LGSN: variants seen among roughly 807,000 people sequenced by gnomAD.
The protein encoded by LGSN is lengsin, lens protein with glutamine synthetase domain.
LGSN carries 21 observed loss-of-function variants against 19.5 expected under a neutral mutation model. The ratio of observed to expected loss-of-function variants is 1.07; its 90% CI spans 0.76 to 1.55. LGSN has a LOEUF of 1.55. Among genes scored for constraint, LGSN ranks in the 40% most tolerant of loss-of-function variants. The pLI is 0.00. For missense variants in LGSN, 673 were observed against 608.5 expected (o/e 1.11, Z -1.12); for synonymous variants, 257 against 215.6 (o/e 1.19, Z -1.68).
chr6:63,437,348 T>C, the LGSN span, among the ~76,000 whole-genome samples: 1 of 152,162 alleles, frequency 6.6e-6, no homozygotes, highest in African/African-American at 2.4e-5. Context: ...CCCTGCAGAC[T>C]GGCGCTTCTT....
intron 2 of LGSN, among the ~76,000 whole-genome samples, chr6:63,286,425 C>A (rs924220680): frequency 5.3e-5 from 8 of 152,188 alleles, no homozygotes; most frequent in African/African-American, 1.9e-4. Context: ...AAAAAACATT[C>A]TTTTCGAGAC....
At chr6:63,322,843 G>T (rs954489113), upstream of LGSN, among the ~76,000 whole-genome samples, 1 of 152,230 alleles carries the variant, frequency 6.6e-6, no homozygotes, top group Admixed American at 6.5e-5. Flanking sequence ...AGGGCTGAGC[G>T]GAAACACACA....
chr6:63,324,038 G>A (rs1163173888), upstream of LGSN, among the ~76,000 whole-genome samples: 2 of 152,078 alleles, frequency 1.3e-5, no homozygotes, highest in Non-Finnish European at 2.9e-5. Context: ...CTCCCAAAGT[G>A]CTGGATGACA....
chr6:63,464,527 G>GA, the LGSN span, among the ~76,000 whole-genome samples: 964 of 145,974 alleles, frequency 6.6e-3, 8 homozygotes, highest in African/African-American at 0.023. Flanking sequence ...ATCTAGTATG[G>GA]AAAAAATATA....
At chr6:63,555,725 G>A in the LGSN span, among the ~76,000 whole-genome samples, 13 of 137,694 alleles carry the variant, frequency 9.4e-5, no homozygotes, top group Admixed American at 5.6e-4. Context: ...ACGGAGTCTC[G>A]CTCTGTCACC....
At chr6:63,441,491 C>T in the LGSN span, 1 of 424,902 alleles carries the variant, frequency 2.4e-6, no homozygotes, top group Non-Finnish European at 4.6e-6. Flanking sequence ...AAACAGCATG[C>T]AAACAAGGCA....
the LGSN span, chr6:63,550,300 G>A: frequency 2.0e-5 from 3 of 152,116 alleles, no homozygotes; most frequent in Non-Finnish European, 4.4e-5. Flanking sequence ...AATCAACCAG[G>A]GCAGTGTGCC....
In LGSN at chr6:63,279,921, A is replaced by G. The variant is rs1767222320; in HGVS notation, c.*100T>C. 3 of 1,114,504 alleles carry G rather than the reference A, an allele frequency of 2.7e-6. No individual in the cohort carries two copies. The highest frequency in any genetic ancestry group is 2.7e-4 in the Middle Eastern group (1 of 3,696). 69.0% of individuals were successfully genotyped at this position (1,114,504 alleles called of 1,614,324 possible). On this transcript the variant is annotated 3_prime_UTR_variant, in exon 4 of 4. Transcript: ENST00000370657. ...AGTCAAAAGCATTCGTAATCTTGTT[A>G]TTGTTGCTGTTGTTAATTACAAAAG... is the stretch of plus-strand genomic sequence containing the variant.
the LGSN span, among the ~76,000 whole-genome samples, chr6:63,491,720 G>C: frequency 6.6e-6 from 1 of 152,120 alleles, no homozygotes; most frequent in Non-Finnish European, 1.5e-5. Context: ...CCATGTGCTA[G>C]TGTGGTTTCA....
chr6:63,440,214 G>A, the LGSN span, among the ~76,000 whole-genome samples: 1 of 152,142 alleles, frequency 6.6e-6, no homozygotes. Flanking sequence ...TGCTGGTCCC[G>A]GATGAAGGCT....
the LGSN span, among the ~76,000 whole-genome samples, chr6:63,355,476 T>C: frequency 6.6e-6 from 1 of 152,202 alleles, no homozygotes; most frequent in African/African-American, 2.4e-5. Context: ...CATAACCAAG[T>C]ACTGTAAACT....
chr6:63,376,203 A>G, the LGSN span, among the ~76,000 whole-genome samples: 686 of 152,222 alleles, frequency 4.5e-3, 8 homozygotes, highest in Non-Finnish European at 4.9e-3. Flanking sequence ...AACCATTCCT[A>G]CACTCTTCAA....
At chr6:63,493,625 G>A in the LGSN span, among the ~76,000 whole-genome samples, 5 of 151,308 alleles carry the variant, frequency 3.3e-5, no homozygotes, top group Non-Finnish European at 7.3e-5. Context: ...CCTGCATGGA[G>A]AGGAGATATT....
At chr6:63,572,473 C>T in the LGSN span, 5 of 387,638 alleles carry the variant, frequency 1.3e-5, no homozygotes, top group Non-Finnish European at 2.3e-5. Context: ...GCTTGTGACG[C>T]AAGGGCGCCT....
chr6:63,535,751 C>A, the LGSN span, among the ~76,000 whole-genome samples: 2 of 152,146 alleles, frequency 1.3e-5, no homozygotes, highest in African/African-American at 4.8e-5. Context: ...AAGCTGACAG[C>A]CTTCCGGAAG....
At chr6:63,432,165 GAA>G in the LGSN span, among the ~76,000 whole-genome samples, 7 of 84,660 alleles carry the variant, frequency 8.3e-5, no homozygotes, top group African/African-American at 2.1e-4. Flanking sequence ...AAGAAAGAAA[GAA>G]AGAAAAGGAA....
In LGSN at chr6:63,282,708, C is replaced by T. The variant is rs141567410; in HGVS notation, c.331-1488G>A. On this transcript the variant is annotated intron_variant, in intron 3 of 3. Transcript: ENST00000370657. ...CTGAACTGATCCAACTCCACTTTAA[C>T]CAATAATAAAGTTGAGTGAGCCAAA... Among the ~76,000 whole-genome samples the T allele has an allele frequency of 2.9e-3, 446 of 152,290 alleles. 3 individuals carry two copies. The highest frequency in any genetic ancestry group is 0.01 in the African/African-American group (422 of 41,560).
the LGSN span, among the ~76,000 whole-genome samples, chr6:63,350,245 C>T: frequency 6.6e-6 from 1 of 152,054 alleles, no homozygotes; most frequent in African/African-American, 2.4e-5. Context: ...CAATTATTAC[C>T]TTGATTTCTT....
chr6:63,366,117 G>T, the LGSN span, among the ~76,000 whole-genome samples: 44 of 152,104 alleles, frequency 2.9e-4, no homozygotes, highest in Non-Finnish European at 5.0e-4. Flanking sequence ...AGAAAGAAAG[G>T]GTATTCAATA....
Sources: gnomAD v4.1 joint callset for allele counts (sites outside exome capture counted in the v4.1 genomes callset) on GRCh38, gnomAD v4.1.1 for gene constraint, MANE v1.5 for transcripts, NCBI Gene and HGNC (gene_info 2026-07-23, HGNC 2026-07-21) for gene names.